TRIM6: variants seen among roughly 807,000 people sequenced by gnomAD.
TRIM6 encodes tripartite motif-containing protein 6.
In TRIM6, 43 loss-of-function variants were observed where a neutral mutation model predicts 51.2. The ratio of observed to expected loss-of-function variants is 0.84; its 90% CI spans 0.66 to 1.08. The LOEUF is 1.08. TRIM6 is among the 50% of genes least tolerant of loss of function. TRIM6 has a pLI of 0.00. For synonymous variants in TRIM6, 215 were observed against 232.4 expected (o/e 0.93, Z 0.68); for missense variants, 669 against 619.0 (o/e 1.08, Z -0.86).
rs1284344793 is a variant in TRIM6 at position 5,610,950 on chromosome 11, G to GTAGA, written c.1161_1164dup (p.Val389ArgfsTer50). The GTAGA allele has an allele frequency of 6.2e-7, 1 of 1,614,186 alleles. No homozygotes were observed. The highest frequency in any genetic ancestry group is 8.5e-7 in the Non-Finnish European group (1 of 1,180,032). ...CTCCTCTGGTAAGCATTACTGGGAG[G>GTAGA]TAGATGTGGCCAAGAAGACTGCCTG... On this transcript the variant is annotated frameshift_variant, in exon 8 of 8. Transcript: ENST00000380097. LOFTEE classifies it low-confidence loss of function (END_TRUNC).
intron 1 of TRIM6, among the ~76,000 whole-genome samples, chr11:5,597,295 A>T (rs748711477): frequency 1.3e-5 from 2 of 152,236 alleles, no homozygotes; most frequent in Non-Finnish European, 2.9e-5. Context: ...TTAAACACGT[A>T]GGAGGCTGCC....
intron 4 of TRIM6, among the ~76,000 whole-genome samples, chr11:5,607,574 G>A (rs1377178521): frequency 1.3e-5 from 2 of 152,222 alleles, no homozygotes; most frequent in Admixed American, 1.3e-4. Flanking sequence ...CAATTCCACA[G>A]AAATGAGACT....
intron 1 of TRIM6, 83 bp downstream of exon 1, chr11:5,596,997 C>T: frequency 6.2e-7 from 1 of 1,600,596 alleles, no homozygotes; most frequent in Non-Finnish European, 8.5e-7. Flanking sequence ...AGGTCCTTTC[C>T]CTTTCGGAAC....
At chr11:5,599,405 A>ATTTG (rs1847688447) in intron 1 of TRIM6, among the ~76,000 whole-genome samples, 1 of 151,256 alleles carries the variant, frequency 6.6e-6, no homozygotes, top group Non-Finnish European at 1.5e-5. Flanking sequence ...TTATTTATTT[A>ATTTG]TTTATTTATT....
At chr11:5,603,817 T>A (rs1848026609) in intron 2 of TRIM6, 82 bp downstream of exon 2, 1 of 1,510,638 alleles carries the variant, frequency 6.6e-7, no homozygotes, top group East Asian at 2.3e-5. Context: ...TGATCTAATC[T>A]CTTTGTAGTC....
intron 7 of TRIM6, 46 bp downstream of exon 7, chr11:5,610,607 C>T: frequency 2.5e-6 from 4 of 1,597,182 alleles, no homozygotes; most frequent in South Asian, 1.1e-5. Context: ...TTCTGATCTC[C>T]TTTCACATGC....
intron 1 of TRIM6, among the ~76,000 whole-genome samples, chr11:5,597,119 TGCCGCA>T (rs1847516202): frequency 6.6e-6 from 1 of 152,220 alleles, no homozygotes; most frequent in African/African-American, 2.4e-5. Flanking sequence ...GGAGCATAGA[TGCCGCA>T]GCCAGACTGC....
rs1365819409 is a variant in TRIM6, at chr11:5,611,005, G to T, written c.1214G>T (p.Gly405Val). 1.9e-6 allele frequency: 3 copies of T among 1,613,980 alleles called. No homozygotes were observed. In the African/African-American group the frequency reaches 4.0e-5, roughly 22 times the overall value. Residue 405 changes from glycine to valine, a missense_variant, in exon 8 of 8, where the codon GGA (glycine) becomes GTA (valine). By Grantham distance (109) the Gly-to-Val change is moderately radical (BLOSUM62 -3). Coordinates refer to ENST00000380097, the MANE Select transcript of TRIM6 (RefSeq NM_001003818.3). ...WILGVCSNSL[G>V]PTFSFNHFAQ... ...CTGGGGGTATGCAGCAATTCACTGGGACCTACATTCTCTTTCAACCATTTT... is the reference window on the plus strand; with the variant it reads ...CTGGGGGTATGCAGCAATTCACTGGTACCTACATTCTCTTTCAACCATTTT...
chr11:5,599,795 C>T (rs1847724980), intron 1 of TRIM6, among the ~76,000 whole-genome samples: 1 of 152,180 alleles, frequency 6.6e-6, no homozygotes, highest in African/African-American at 2.4e-5. Flanking sequence ...ATAAGCTCAG[C>T]AGTAAGCTAT....
chr11:5,597,023 T>C, intron 1 of TRIM6, 109 bp downstream of exon 1: 1 of 1,559,242 alleles, frequency 6.4e-7, no homozygotes, highest in East Asian at 2.3e-5. Context: ...ATATCTTTAT[T>C]TCTTTTTCTT....
intron 4 of TRIM6, among the ~76,000 whole-genome samples, chr11:5,607,156 A>T (rs924572729): frequency 2.0e-5 from 3 of 152,150 alleles, no homozygotes; most frequent in African/African-American, 7.2e-5. Flanking sequence ...GTGAGCCGAG[A>T]TCGCACCACT....
At chr11:5,607,047 C>CA (rs1265138479) in intron 4 of TRIM6, among the ~76,000 whole-genome samples, 12 of 151,898 alleles carry the variant, frequency 7.9e-5, no homozygotes, top group African/African-American at 2.7e-4. Flanking sequence ...ACTAAAAACA[C>CA]AAAAAAATTA....
chr11:5,611,335 G>A lies in TRIM6; in HGVS notation c.1544G>A (p.Ser515Asn), dbSNP rs1848567344. ...CVIPMTLRRP[S>N]S ...ATTCCTATGACCCTGCGTCGTCCAA[G>A]CTCTTGAATATTCTTCTGTTCCCAC... Residue 515 changes from serine (S) to asparagine (N), a missense_variant, in exon 8 of 8, where the codon AGC becomes AAC. Physicochemically the swap from Ser to Asn is conservative, Grantham distance 46. Coordinates refer to ENST00000380097, the MANE Select transcript of TRIM6 (RefSeq NM_001003818.3). The A allele has an allele frequency of 4.3e-6, 7 of 1,611,918 alleles. No homozygotes were observed. Among genetic ancestry groups the A allele is most frequent in the Non-Finnish European group, 5.9e-6 (7 of 1,178,764 alleles).
At chr11:5,603,852 G>T in intron 2 of TRIM6, 117 bp downstream of exon 2, 1 of 1,451,944 alleles carries the variant, frequency 6.9e-7, no homozygotes, top group Non-Finnish European at 9.1e-7. Flanking sequence ...GAATGAACCT[G>T]GAAACTGCCT....
chr11:5,610,177 C>T lies in TRIM6; in HGVS notation c.890C>T (p.Ala297Val). The T allele has an allele frequency of 6.2e-7, 1 of 1,614,106 alleles. No individual in the cohort carries two copies. The highest frequency in any genetic ancestry group is 1.1e-5 in the South Asian group (1 of 91,080). Residue 297 changes from alanine to valine, a missense_variant, in exon 6 of 8, where the codon GCT becomes GTT. Ala to Val is a moderately conservative substitution (Grantham distance 64). Transcript: ENST00000380097. ...TTCTGGACCCTGAGGAAGCCAGAAG[C>T]TCTCCCTACAAAGCTGAGAAGTATG... ...SEFWTLRKPE[A>V]LPTKLRSMFR...
At chr11:5,606,992 A>G (rs1015716665) in intron 4 of TRIM6, among the ~76,000 whole-genome samples, 1 of 151,980 alleles carries the variant, frequency 6.6e-6, no homozygotes, top group Admixed American at 6.6e-5. Context: ...TCATGAGGTC[A>G]GGAGATTGAG....
chr11:5,610,115 G>A (rs746827297), intron 5 of TRIM6, 30 bp from the exon 6 acceptor site: 8 of 1,612,920 alleles, frequency 5.0e-6, no homozygotes, highest in Non-Finnish European at 6.8e-6. Context: ...AGTCAGCAGT[G>A]TGGGAACTCA....
At chr11:5,608,039 A>G (rs1161527490) in intron 4 of TRIM6, among the ~76,000 whole-genome samples, 1 of 152,228 alleles carries the variant, frequency 6.6e-6, no homozygotes, top group Non-Finnish European at 1.5e-5. Flanking sequence ...CTACTCAAGG[A>G]TAGAAATTAT....
intron 1 of TRIM6, among the ~76,000 whole-genome samples, chr11:5,599,780 C>T (rs528883238): frequency 6.6e-6 from 1 of 152,260 alleles, no homozygotes; most frequent in South Asian, 2.1e-4. Flanking sequence ...ACATCAAGGC[C>T]AACTATAAGC....
Sources: gnomAD v4.1 joint callset for allele counts (sites outside exome capture counted in the v4.1 genomes callset) on GRCh38, gnomAD v4.1.1 for gene constraint, MANE v1.5 for transcripts, NCBI Gene and HGNC (gene_info 2026-07-23, HGNC 2026-07-21) for gene names.